ATP8A1: variants seen among roughly 807,000 people sequenced by gnomAD.
ATP8A1 encodes phospholipid-transporting ATPase IA.
ATP8A1 carries 90 observed loss-of-function variants against 177.7 expected under a neutral mutation model. The observed-to-expected ratio is 0.51, with a 90% CI of 0.43 to 0.60. ATP8A1 has a LOEUF of 0.60. Ranked by LOEUF, ATP8A1 falls within the 20% of genes least tolerant of loss-of-function variation. The pLI is 0.00. For missense variants in ATP8A1, 1,072 were observed against 1,392.8 expected (o/e 0.77, Z 3.67); for synonymous variants, 493 against 485.9 (o/e 1.01, Z -0.19).
chr4:42,581,835 C>T (rs983383091), intron 9 of ATP8A1, 103 bp from the exon 10 acceptor site: 5 of 809,216 alleles, frequency 6.2e-6, no homozygotes, highest in Non-Finnish European at 9.9e-6. Flanking sequence ...AATAACCCTT[C>T]TCATATTTAT....
At chr4:42,592,129 T>A (rs1166237000) in intron 6 of ATP8A1, among the ~76,000 whole-genome samples, 1 of 152,178 alleles carries the variant, frequency 6.6e-6, no homozygotes, top group South Asian at 2.1e-4. Context: ...CTACTTGGAT[T>A]GAAATGTCTA....
At chr4:42,550,511 CTG>C (rs1229846884) in intron 18 of ATP8A1, among the ~76,000 whole-genome samples, 1 of 152,202 alleles carries the variant, frequency 6.6e-6, no homozygotes, top group African/African-American at 2.4e-5. Context: ...TTAGACAACT[CTG>C]TAAGGTTTTC....
At chr4:42,591,874 ACTG>A (rs373440828) in intron 6 of ATP8A1, among the ~76,000 whole-genome samples, 12 of 152,294 alleles carry the variant, frequency 7.9e-5, no homozygotes, top group African/African-American at 2.9e-4. Flanking sequence ...GTTTACTCTT[ACTG>A]CTAAGTGGTT....
chr4:42,510,177 T>C (rs545580994), intron 22 of ATP8A1, among the ~76,000 whole-genome samples: 2 of 152,308 alleles, frequency 1.3e-5, no homozygotes, highest in East Asian at 3.9e-4. Context: ...TGGATGGTTA[T>C]TAGACACACT....
rs541918959 is a variant in ATP8A1, at chr4:42,438,435, A to T, written c.3123+5130T>A. On this transcript the variant is annotated intron_variant, in intron 33 of 36. Transcript: ENST00000381668. ...GGGTTTTCTATTTAATAGTTTTTTT[A>T]AATTTTTTTTAACAAAATGGGTATT... Among the ~76,000 whole-genome samples the T allele has an allele frequency of 4.6e-5, 7 of 152,192 alleles. No individual in the cohort carries two copies. The South Asian group carries it at 6.2e-4, about 14-fold the overall frequency.
At chr4:42,493,805 C>T (rs1429856422) in intron 24 of ATP8A1, among the ~76,000 whole-genome samples, 1 of 152,060 alleles carries the variant, frequency 6.6e-6, no homozygotes, top group African/African-American at 2.4e-5. Flanking sequence ...TGTGCTAACT[C>T]CTTTATTTGT....
At chr4:42,545,159 CAAA>C (rs150594728) in intron 19 of ATP8A1, among the ~76,000 whole-genome samples, 9 of 83,672 alleles carry the variant, frequency 1.1e-4, no homozygotes, top group South Asian at 4.0e-4. Context: ...GACTCCGTCT[CAAA>C]AAAAAAAAAA....
intron 5 of ATP8A1, among the ~76,000 whole-genome samples, chr4:42,614,324 G>C (rs941008560): frequency 1.3e-5 from 2 of 152,138 alleles, no homozygotes; most frequent in Non-Finnish European, 2.9e-5. Flanking sequence ...CTGAACATAG[G>C]AGCCCTCTGC....
At chr4:42,434,077 GA>G in intron 33 of ATP8A1, among the ~76,000 whole-genome samples, 1 of 152,220 alleles carries the variant, frequency 6.6e-6, no homozygotes, top group South Asian at 2.1e-4. Flanking sequence ...ATAGTTCCCA[GA>G]ATAGTGAAGA....
chr4:42,588,227 A>G (rs202170884), intron 8 of ATP8A1, 33 bp downstream of exon 8: 8 of 1,517,156 alleles, frequency 5.3e-6, no homozygotes, highest in Admixed American at 1.7e-5. Context: ...ATAAAATAGC[A>G]GTGATTATAC....
At chr4:42,613,042 T>C (rs1736530327) in intron 5 of ATP8A1, among the ~76,000 whole-genome samples, 1 of 152,100 alleles carries the variant, frequency 6.6e-6, no homozygotes, top group South Asian at 2.1e-4. Context: ...TACTCCTCCC[T>C]CCCCACTCCT....
intron 33 of ATP8A1, among the ~76,000 whole-genome samples, chr4:42,438,090 A>G (rs890272726): frequency 1.3e-5 from 2 of 152,218 alleles, no homozygotes; most frequent in East Asian, 3.8e-4. Flanking sequence ...AGTCTGGGAG[A>G]AAAGCCACAG....
intron 29 of ATP8A1, 78 bp from the exon 30 acceptor site, chr4:42,452,137 G>C: frequency 1.0e-6 from 1 of 990,392 alleles, no homozygotes; most frequent in Non-Finnish European, 1.6e-6. Context: ...TTTTATCTAT[G>C]AGCTAGATTC....
In ATP8A1 at chr4:42,433,342, T is replaced by C. The variant is rs566883247; in HGVS notation, c.3124-9637A>G. ...CAGCTAGCGTCTTACATCCTAATTGTCTGTGGGACTACTCCATGACAAACT... is the reference window on the plus strand; with the variant it reads ...CAGCTAGCGTCTTACATCCTAATTGCCTGTGGGACTACTCCATGACAAACT... On this transcript the variant is annotated intron_variant, in intron 33 of 36. Coordinates refer to ENST00000381668, the MANE Select transcript of ATP8A1 (RefSeq NM_006095.2). 2.0e-5 allele frequency among the ~76,000 whole-genome samples: 3 copies of C among 152,294 alleles called. No homozygotes were observed. The East Asian group carries it at 5.8e-4, about 29-fold the overall frequency.
In ATP8A1 at chr4:42,435,461, A is replaced by AAAAAAAAAAAAAAAAAAAAAAC. The variant is rs1553871738; in HGVS notation, c.3123+8103_3123+8104insGTTTTTTTTTTTTTTTTTTTTT. Among the ~76,000 whole-genome samples the AAAAAAAAAAAAAAAAAAAAAAC allele has an allele frequency of 3.3e-5, 4 of 122,384 alleles. 1 individual carries two copies. The highest frequency in any genetic ancestry group is 9.0e-5 in the Admixed American group (1 of 11,066). The allele number at this position is 122,384 out of a possible 152,430, so 80.3% of individuals were successfully genotyped here. A position where few individuals can be genotyped will look rare whatever the true frequency, so the allele number is the denominator to read the frequency against. ...AAAAAAAAAAAAAACAAAAAAAAAA[A>AAAAAAAAAAAAAAAAAAAAAAC]AACAAACTATCTCCAGTTATGAGCT... On this transcript the variant is annotated intron_variant, in intron 33 of 36. Coordinates refer to ENST00000381668, the MANE Select transcript of ATP8A1 (RefSeq NM_006095.2).
chr4:42,585,846 G>A (rs1165941472), intron 9 of ATP8A1, among the ~76,000 whole-genome samples: 1 of 152,012 alleles, frequency 6.6e-6, no homozygotes, highest in East Asian at 1.9e-4. Context: ...GAGATGAGAT[G>A]ACTATAATTA....
intron 5 of ATP8A1, among the ~76,000 whole-genome samples, chr4:42,602,696 G>A (rs1250857457): frequency 2.6e-5 from 4 of 152,140 alleles, no homozygotes; most frequent in Non-Finnish European, 5.9e-5. Context: ...TTGACCCCGC[G>A]AGGGGGAGGT....
At chr4:42,512,871 G>T (rs542180630) in intron 22 of ATP8A1, among the ~76,000 whole-genome samples, 1 of 152,338 alleles carries the variant, frequency 6.6e-6, no homozygotes, top group Non-Finnish European at 1.5e-5. Flanking sequence ...TGCTGATCTA[G>T]AGCAGGGCTG....
chr4:42,507,787 A>C (rs1482413272), intron 22 of ATP8A1, among the ~76,000 whole-genome samples: 2 of 129,908 alleles, frequency 1.5e-5, no homozygotes, highest in African/African-American at 2.7e-5. Flanking sequence ...TTCTAAAAAA[A>C]AAAAAAAAAA....
Sources: allele counts gnomAD v4.1 joint callset (sites outside exome capture counted in the v4.1 genomes callset), GRCh38; gene constraint gnomAD v4.1.1; transcripts MANE v1.5; gene names NCBI Gene and HGNC (gene_info 2026-07-23, HGNC 2026-07-21).